REXO1: variants seen among roughly 807,000 people sequenced by gnomAD.
REXO1 encodes REX1, RNA exonuclease 1 homolog.
In REXO1, 42 loss-of-function variants were observed where a neutral mutation model predicts 102.6. The ratio of observed to expected loss-of-function variants is 0.41; its 90% CI spans 0.32 to 0.53. The LOEUF is 0.53. REXO1 is among the 20% of genes least tolerant of loss of function. REXO1 has a pLI of 0.27. For synonymous variants in REXO1, 908 were observed against 779.1 expected, an observed-to-expected ratio of 1.17 and a Z score of -2.76; for missense variants, 1,819 against 1,732.5, an observed-to-expected ratio of 1.05 and a Z score of -0.89.
At chr19:1,828,694 C>A (rs769290439) in intron 1 of REXO1, 63 bp from the exon 2 acceptor site, 1 of 1,495,940 alleles carries the variant, frequency 6.7e-7, no homozygotes, top group Non-Finnish European at 8.9e-7. Context: ...AGCATGGGGG[C>A]GGCCCCGGTC....
chr19:1,827,514 G>A lies in REXO1; in HGVS notation c.1275C>T (p.Arg425=). 6.9e-6 allele frequency: 11 copies of A among 1,582,742 alleles called. No homozygotes were observed. Among genetic ancestry groups the A allele is most frequent in the Non-Finnish European group, 9.4e-6 (11 of 1,173,640 alleles). The change falls in exon 2 of 16, where the codon CGC becomes CGT. Residue 425 remains arginine, a synonymous_variant. Coordinates refer to ENST00000170168, the MANE Select transcript of REXO1 (RefSeq NM_020695.4). ...TGGTCCCTTCCGGCCGCTCTGCCTT[G>A]CGCCGGGGGCTGCTGGCCTGCGGGC... The part of the protein sequence containing the change: ...KKGPQASSPR[R]KAERPEGTKK...
chr19:1,817,127 G>A (rs1408387607), intron 12 of REXO1, 92 bp downstream of exon 12: 12 of 887,766 alleles, frequency 1.4e-5, no homozygotes, highest in Non-Finnish European at 1.4e-5. Context: ...GCTGGCCGGT[G>A]AGCCAGGCCC....
intron 7 of REXO1, 109 bp downstream of exon 7, chr19:1,819,825 C>T (rs1337260193): frequency 8.1e-7 from 1 of 1,241,920 alleles, no homozygotes; most frequent in Non-Finnish European, 1.1e-6. Context: ...TTCCTTTTGT[C>T]TGAGACTGTG....
rs776749123 is a variant in REXO1 at position 1,827,483 on chromosome 19, T to G, written c.1306A>C (p.Lys436Gln). ...GCCACAGGAGTGGCCGAAGATGGCT[T>G]CTTCTTGGTCCCTTCCGGCCGCTCT... ...KAERPEGTKK[K>Q]PSSATPVATS... The change falls in exon 2 of 16, where the codon AAG becomes CAG. Residue 436 changes from lysine to glutamine, a missense_variant. By Grantham distance (53) the Lys-to-Gln change is moderately conservative. Transcript: ENST00000170168. 2.6e-5 allele frequency: 41 copies of G among 1,574,852 alleles called. No homozygotes were observed. The highest frequency in any genetic ancestry group is 6.1e-5 in the Admixed American group (3 of 49,338).
rs2011666202 is a variant in REXO1, at chr19:1,848,437, C to CCCGCGCCTCACGGA, written c.-93_-80dup. The CCCGCGCCTCACGGA allele has an allele frequency of 2.8e-6, 3 of 1,063,016 alleles. No individual in the cohort carries two copies. The highest frequency in any genetic ancestry group is 3.4e-6 in the Non-Finnish European group (3 of 869,890). 65.8% of individuals were successfully genotyped at this position (1,063,016 alleles called of 1,614,324 possible). On this transcript the variant is annotated 5_prime_UTR_variant, in exon 1 of 16. An upstream open reading frame in the 5' UTR gains an earlier in-frame stop. Coordinates refer to ENST00000170168, the MANE Select transcript of REXO1 (RefSeq NM_020695.4). ...CTCACTGGCGCCGCGGTCGCCGCCG[C>CCCGCGCCTCACGGA]CCGCGCCTCACGGACCCCGCCGCCG...
At chr19:1,824,599 A>G (rs1386027072) in intron 3 of REXO1, 1 of 152,268 alleles carries the variant, frequency 6.6e-6, no homozygotes, top group East Asian at 1.9e-4. Context: ...GACATCAGTT[A>G]GAACAGAGCC....
rs551427326 is a variant in REXO1, at chr19:1,832,614, AGCACGGTGGCTCACGCCTGTCATCCCAG to A, written c.158-4011_158-3984del. 3.6e-3 allele frequency among the ~76,000 whole-genome samples: 542 copies of A among 151,100 alleles called. 4 individuals are homozygous for A. Among genetic ancestry groups the A allele is most frequent in the South Asian group, 8.6e-3 (41 of 4,760 alleles). On this transcript the variant is annotated intron_variant, in intron 1 of 15. Transcript: ENST00000170168. ...CACGGTGGCTCACGCCTGTCATCCC[AGCACGGTGGCTCACGCCTGTCATCCCAG>A]GCACGGTGGCTCACGCCTGTCATCC...
At position 1,818,841 on chromosome 19, in the gene REXO1, C is replaced by A. The variant is rs768447600; in HGVS notation, c.2767G>T (p.Ala923Ser). 1.2e-6 allele frequency: 2 copies of A among 1,609,136 alleles called. No homozygotes were observed. Among genetic ancestry groups the A allele is most frequent in the Admixed American group, 1.7e-5 (1 of 59,898 alleles). ...TCCCTGAGGCGGCTGTACAGGGCAG[C>A]CCCTGTGGACAGGCACAGTGGTCAG... ...SSPRVEDLKG[A>S]ALYSRLREYL... Residue 923 changes from alanine (A) to serine (S), a missense_variant and splice_region_variant, in exon 9 of 16, where the codon GCT (alanine) becomes TCT (serine). Coordinates refer to ENST00000170168, the MANE Select transcript of REXO1 (RefSeq NM_020695.4).
chr19:1,815,939 T>C lies in REXO1; in HGVS notation c.*127A>G. 1 of 1,534,998 alleles carries C rather than the reference T, an allele frequency of 6.5e-7. No homozygotes were observed. The highest frequency in any genetic ancestry group is 2.4e-5 in the East Asian group (1 of 40,888). On this transcript the variant is annotated 3_prime_UTR_variant, in exon 16 of 16. Transcript: ENST00000170168. The surrounding 1 kb of genome is among the most constrained non-coding windows in gnomAD (Gnocchi z 4.0). Reference sequence around the variant, plus strand: ...TGGGCGTTCTCTGGCCGCCAGCTCATCCCGCTGCTCTGGGCTGCCTCGGCC... The same window carrying C: ...TGGGCGTTCTCTGGCCGCCAGCTCACCCCGCTGCTCTGGGCTGCCTCGGCC...
intron 6 of REXO1, 73 bp downstream of exon 6, chr19:1,820,191 G>C: frequency 6.4e-7 from 1 of 1,563,924 alleles, no homozygotes; most frequent in Non-Finnish European, 8.7e-7. Flanking sequence ...CTGAGAGGCC[G>C]GGGGATGTCT....
Position 1,816,333 on chromosome 19 carries a change from T to G in REXO1, c.3469A>C (p.Thr1157Pro). 1 of 1,591,196 alleles carries G rather than the reference T, an allele frequency of 6.3e-7. No individual in the cohort carries two copies. The change falls in exon 15 of 16, where the codon ACC (threonine) becomes CCC (proline). Residue 1157 changes from threonine to proline, a missense_variant. Thr to Pro is a conservative substitution (Grantham distance 38). Coordinates refer to ENST00000170168, the MANE Select transcript of REXO1 (RefSeq NM_020695.4). ...DLLALKVIHS[T>P]VVDTSVLFPH... ...AAGAGCACAGACGTGTCCACCACGG[T>G]GCTGTGGATGACCTGTGGGCAGCGG...
chr19:1,835,051 G>A, intron 1 of REXO1: 1 of 371,518 alleles, frequency 2.7e-6, no homozygotes, highest in Non-Finnish European at 5.7e-6. Flanking sequence ...GCTGCCTGCA[G>A]CTCAGAACAG....
intron 3 of REXO1, among the ~76,000 whole-genome samples, chr19:1,825,582 T>C (rs2069691038): frequency 6.6e-6 from 1 of 151,760 alleles, no homozygotes; most frequent in African/African-American, 2.4e-5. Flanking sequence ...TTCAAGCGAT[T>C]CTCCTGCCTC....
rs2069737694 is a variant in REXO1, at chr19:1,826,811, A to C, written c.1911+67T>G. The C allele has an allele frequency of 2.6e-6, 4 of 1,530,076 alleles. No homozygotes were observed. The Admixed American group carries it at 8.9e-5, about 34-fold the overall frequency. 94.8% of individuals were successfully genotyped at this position (1,530,076 alleles called of 1,614,324 possible). On this transcript the variant is annotated intron_variant, in intron 2 of 15. Transcript: ENST00000170168. The surrounding 1 kb of genome is among the most constrained non-coding windows in gnomAD (Gnocchi z 4.3). ...GCCAACTGGAAACCACTCCAGATAG[A>C]AGGTCTCTCACCAGGCCCTCGGCTC... is the stretch of plus-strand genomic sequence containing the variant.
Position 1,817,737 on chromosome 19 carries a change from G to A in REXO1, c.3060C>T (p.Ala1020=), listed in dbSNP as rs745737166. ...CGACTTGGCAGCCGACAGAGCCGGC[G>A]GCAGCCGAGCAGCACATGTACTGGG... The part of the protein sequence containing the change: ...WETQYMCCSA[A]AGSVGCQVAK... Residue 1020 remains alanine, a synonymous_variant, in exon 11 of 16, where the codon GCC becomes GCT. Coordinates refer to ENST00000170168, the MANE Select transcript of REXO1 (RefSeq NM_020695.4). 4.5e-5 allele frequency: 73 copies of A among 1,612,284 alleles called. No homozygotes were observed. The highest frequency in any genetic ancestry group is 5.3e-5 in the Non-Finnish European group (63 of 1,179,752).
chr19:1,833,574 C>A (rs1047698452), intron 1 of REXO1, among the ~76,000 whole-genome samples: 1 of 152,198 alleles, frequency 6.6e-6, no homozygotes, highest in African/African-American at 2.4e-5. Flanking sequence ...ATGCTCCCGG[C>A]AGGGAAACGG....
At chr19:1,839,067 G>A (rs1049503222) in intron 1 of REXO1, among the ~76,000 whole-genome samples, 2 of 152,058 alleles carry the variant, frequency 1.3e-5, no homozygotes, top group South Asian at 4.1e-4. Flanking sequence ...ACCAGCCTGG[G>A]CAACACGGTG....
chr19:1,839,294 C>T (rs1339927513), intron 1 of REXO1, among the ~76,000 whole-genome samples: 1 of 152,166 alleles, frequency 6.6e-6, no homozygotes, highest in East Asian at 1.9e-4. Context: ...AGCTCCTCCT[C>T]ATCCCAGGGC....
rs536565352 is a variant in REXO1 at position 1,826,036 on chromosome 19, G to T, written c.1912-93C>A. The T allele has an allele frequency of 1.2e-5, 11 of 881,836 alleles. No individual in the cohort carries two copies. The Admixed American group carries it at 2.1e-4, about 17-fold the overall frequency. The allele number at this position is 881,836 out of a possible 1,614,324, so 54.6% of individuals were successfully genotyped here. On this transcript the variant is annotated intron_variant, in intron 2 of 15. Transcript: ENST00000170168. The surrounding 1 kb of genome is among the most constrained non-coding windows in gnomAD (Gnocchi z 4.3). The stretch of plus-strand genomic sequence containing the variant: ...AAACTGCCCCCGGCAAGTGGGGAAT[G>T]GAACAGTCCAGCCCCCAGGCACAGC...
Sources: gnomAD v4.1 joint callset for allele counts (sites outside exome capture counted in the v4.1 genomes callset) on GRCh38, gnomAD v4.1.1 for gene constraint, Gnocchi (gnomAD v3.1) non-coding constraint, MANE v1.5 for transcripts, NCBI Gene and HGNC (gene_info 2026-07-23, HGNC 2026-07-21) for gene names.